Variants in CTNNA3 observed in about 807,000 individuals in gnomAD.
The protein encoded by CTNNA3 is catenin alpha 3.
CTNNA3 carries 76 observed loss-of-function variants against 95.7 expected under a neutral mutation model. The observed-to-expected ratio is 0.79, with a 90% CI of 0.66 to 0.96. The LOEUF is 0.96. Ranked by LOEUF, CTNNA3 falls within the 40% of genes least tolerant of loss-of-function variation. The pLI is 0.00. For missense variants in CTNNA3, 1,191 were observed against 1,089.8 expected, an observed-to-expected ratio of 1.09 and a Z score of -1.31; for synonymous variants, 431 against 374.4, an observed-to-expected ratio of 1.15 and a Z score of -1.74.
chr10:66,692,858 A>T (rs1276961710), intron 9 of CTNNA3, among the ~76,000 whole-genome samples: 1 of 152,116 alleles, frequency 6.6e-6, no homozygotes, highest in Admixed American at 6.5e-5. Flanking sequence ...TATCCAGCCA[A>T]ACTAAGCTTC....
chr10:67,693,911 G>GA (rs1840915633), intron 1 of CTNNA3, among the ~76,000 whole-genome samples: 1 of 152,058 alleles, frequency 6.6e-6, no homozygotes, highest in African/African-American at 2.4e-5. Context: ...TTTCCCTATA[G>GA]AAAAACCCAA....
At chr10:66,447,413 G>T (rs2093430891) in intron 11 of CTNNA3, among the ~76,000 whole-genome samples, 1 of 124,830 alleles carries the variant, frequency 8.0e-6, no homozygotes, top group African/African-American at 3.4e-5. Flanking sequence ...CACACTACCT[G>T]ACTTCAGACT....
chr10:67,141,975 G>C (rs746086129), intron 7 of CTNNA3, among the ~76,000 whole-genome samples: 1 of 151,894 alleles, frequency 6.6e-6, no homozygotes, highest in East Asian at 1.9e-4. Flanking sequence ...AATGATAAGA[G>C]GCTGGTAATT....
chr10:66,438,005 T>C (rs2131776200), intron 11 of CTNNA3, among the ~76,000 whole-genome samples: 1 of 152,304 alleles, frequency 6.6e-6, no homozygotes. Context: ...CCAGACCGTT[T>C]GCCTACGTAT....
At chr10:67,136,671 T>C (rs1860321833) in intron 7 of CTNNA3, among the ~76,000 whole-genome samples, 1 of 152,142 alleles carries the variant, frequency 6.6e-6, no homozygotes, top group Non-Finnish European at 1.5e-5. Flanking sequence ...AAAAATACTC[T>C]AGAAAAGTCT....
At chr10:67,632,096 T>G (rs768027641) in intron 2 of CTNNA3, among the ~76,000 whole-genome samples, 15 of 149,226 alleles carry the variant, frequency 1.0e-4, no homozygotes, top group Non-Finnish European at 1.6e-4. Context: ...ACTTGAAATT[T>G]GATAAGAAAG....
chr10:67,319,552 T>C lies in CTNNA3; in HGVS notation c.580-99682A>G, dbSNP rs187221370. On this transcript the variant is annotated intron_variant, in intron 5 of 17. Transcript: ENST00000433211. ...TAAAAAAAGTGCTAATCATTGATACTGGTAAGGACTCCTTTCCAAGATGCT... is the reference window on the plus strand; with the variant it reads ...TAAAAAAAGTGCTAATCATTGATACCGGTAAGGACTCCTTTCCAAGATGCT... 3.3e-3 allele frequency among the ~76,000 whole-genome samples: 495 copies of C among 152,276 alleles called. 4 individuals are homozygous for C. The highest frequency in any genetic ancestry group is 0.012 in the African/African-American group (483 of 41,550).
chr10:67,088,594 T>A (rs1857441514), intron 7 of CTNNA3, among the ~76,000 whole-genome samples: 1 of 152,014 alleles, frequency 6.6e-6, no homozygotes, highest in Non-Finnish European at 1.5e-5. Flanking sequence ...AAATTCAGAA[T>A]GTTTTTTCCT....
intron 9 of CTNNA3, among the ~76,000 whole-genome samples, chr10:66,699,817 C>A (rs1256304920): frequency 6.6e-6 from 1 of 151,940 alleles, no homozygotes; most frequent in Non-Finnish European, 1.5e-5. Flanking sequence ...TGCCACCACC[C>A]TGGCTAATTT....
At chr10:66,396,764 A>T (rs1401390062) in intron 11 of CTNNA3, among the ~76,000 whole-genome samples, 1 of 151,964 alleles carries the variant, frequency 6.6e-6, no homozygotes, top group Non-Finnish European at 1.5e-5. Flanking sequence ...TCCATTTCTA[A>T]TAAAGAAGAT....
intron 2 of CTNNA3, among the ~76,000 whole-genome samples, chr10:67,611,165 AG>A (rs1471088078): frequency 6.6e-6 from 1 of 152,214 alleles, no homozygotes. Flanking sequence ...AGTATAAAAA[AG>A]GTTTTTATAG....
intron 15 of CTNNA3, among the ~76,000 whole-genome samples, chr10:66,050,706 A>G (rs943183311): frequency 6.6e-6 from 1 of 152,060 alleles, no homozygotes; most frequent in Non-Finnish European, 1.5e-5. Flanking sequence ...CCTACATTCC[A>G]TATTCCTTCT....
chr10:66,658,082 G>T (rs1846129382), intron 9 of CTNNA3, among the ~76,000 whole-genome samples: 1 of 152,122 alleles, frequency 6.6e-6, no homozygotes, highest in Non-Finnish European at 1.5e-5. Context: ...AACAGGGAGA[G>T]AAACATTGCT....
chr10:67,638,339 G>C (rs887144713), intron 2 of CTNNA3, among the ~76,000 whole-genome samples: 34 of 152,096 alleles, frequency 2.2e-4, no homozygotes, highest in African/African-American at 8.0e-4. Flanking sequence ...CCCAATACAG[G>C]AGCACCCAGA....
At chr10:66,727,036 T>A (rs769402915) in intron 9 of CTNNA3, among the ~76,000 whole-genome samples, 1 of 152,116 alleles carries the variant, frequency 6.6e-6, no homozygotes, top group African/African-American at 2.4e-5. Flanking sequence ...TTAAATTTCA[T>A]AGATGTGTAA....
chr10:66,195,230 C>T (rs528669613), intron 13 of CTNNA3, among the ~76,000 whole-genome samples: 73 of 151,856 alleles, frequency 4.8e-4, no homozygotes, highest in African/African-American at 1.7e-3. Context: ...AAAGATGACC[C>T]TTTATTTTCT....
chr10:67,469,446 T>C (rs1026718487), intron 5 of CTNNA3, among the ~76,000 whole-genome samples: 11 of 152,296 alleles, frequency 7.2e-5, no homozygotes, highest in Admixed American at 2.6e-4. Flanking sequence ...GATGAGTTCA[T>C]GTCCTTCACA....
intron 1 of CTNNA3, among the ~76,000 whole-genome samples, chr10:67,740,462 GA>G (rs748957052): frequency 6.6e-6 from 1 of 150,984 alleles, no homozygotes; most frequent in African/African-American, 2.4e-5. Flanking sequence ...AAATGTACAA[GA>G]AAAAAACAAA....
chr10:67,050,634 T>C (rs1855030313), intron 7 of CTNNA3, among the ~76,000 whole-genome samples: 1 of 152,186 alleles, frequency 6.6e-6, no homozygotes, highest in South Asian at 2.1e-4. Context: ...CTGAGGCTGA[T>C]GTGATTGCCC....
Sources: gnomAD v4.1 joint callset for allele counts (sites outside exome capture counted in the v4.1 genomes callset) on GRCh38, gnomAD v4.1.1 for gene constraint, MANE v1.5 for transcripts, NCBI Gene and HGNC (gene_info 2026-07-23, HGNC 2026-07-21) for gene names.